AGMO: variants seen among roughly 807,000 people sequenced by gnomAD.
AGMO encodes the protein alkylglycerol monooxygenase, also known as glyceryl-ether monooxygenase.
Under a neutral mutation model 60.2 loss-of-function variants are expected in AGMO, and 75 were observed. That is an observed-to-expected ratio of 1.25 (90% CI 1.03 to 1.51). The LOEUF is 1.51. Ranked by LOEUF, AGMO falls within the 40% of genes most tolerant of loss-of-function variation. AGMO has a pLI of 0.00. For missense variants in AGMO, 763 were observed against 525.5 expected, an observed-to-expected ratio of 1.45 and a Z score of -4.42; for synonymous variants, 261 against 177.1, an observed-to-expected ratio of 1.47 and a Z score of -3.76.
In AGMO at chr7:15,272,375, C is replaced by T. The variant is rs187336227; in HGVS notation, c.1264-71016G>A. 5.6e-3 allele frequency among the ~76,000 whole-genome samples: 826 copies of T among 148,470 alleles called. 3 individuals carry two copies. The highest frequency in any genetic ancestry group is 0.019 in the African/African-American group (753 of 40,316). ...ATTCCCACCTATGAGTGAGAACATG[C>T]GGTGTTTGGTTTTTTGTTCTTGGGA... On this transcript the variant is annotated intron_variant, in intron 12 of 12. Coordinates refer to ENST00000342526, the MANE Select transcript of AGMO (RefSeq NM_001004320.2).
chr7:15,259,268 A>G (rs1055369594), intron 12 of AGMO, among the ~76,000 whole-genome samples: 2 of 151,968 alleles, frequency 1.3e-5, no homozygotes, highest in African/African-American at 4.8e-5. Context: ...AATGCACTGG[A>G]AAGTCTCAGC....
intron 10 of AGMO, 70 bp from the exon 11 acceptor site, chr7:15,366,292 CT>C: frequency 8.3e-7 from 1 of 1,207,972 alleles, no homozygotes; most frequent in Non-Finnish European, 1.2e-6. Context: ...ACGGTTAAAG[CT>C]TACAAAACAG....
At chr7:15,355,178 A>G (rs1562452808) in intron 12 of AGMO, among the ~76,000 whole-genome samples, 1 of 152,086 alleles carries the variant, frequency 6.6e-6, no homozygotes, top group Non-Finnish European at 1.5e-5. Context: ...TCATCTGTGC[A>G]CTTAAAATTA....
Position 15,488,716 on chromosome 7 carries a change from A to T in AGMO, c.409+56056T>A, listed in dbSNP as rs534881402. Among the ~76,000 whole-genome samples, 6 of 152,294 alleles carry T rather than the reference A, an allele frequency of 3.9e-5. No individual in the cohort carries two copies. The East Asian group carries it at 1.2e-3, about 29-fold the overall frequency. ...AGATTATTGAATTTGGATTATCACA[A>T]ACTATTCCTAAGATAACTAGCCAGG... On this transcript the variant is annotated intron_variant, in intron 3 of 12. Coordinates refer to ENST00000342526, the MANE Select transcript of AGMO (RefSeq NM_001004320.2).
At chr7:15,226,330 G>C (rs1782080526) in intron 12 of AGMO, among the ~76,000 whole-genome samples, 1 of 152,038 alleles carries the variant, frequency 6.6e-6, no homozygotes, top group African/African-American at 2.4e-5. Context: ...TGAATTACAA[G>C]GACTCTGATG....
intron 3 of AGMO, among the ~76,000 whole-genome samples, chr7:15,504,925 A>T (rs1297202949): frequency 2.0e-5 from 3 of 151,994 alleles, no homozygotes; most frequent in Non-Finnish European, 4.4e-5. Flanking sequence ...CTTTCAAAAA[A>T]TTATTAGTTA....
In AGMO at chr7:15,421,136, A is replaced by T. The variant is rs987570333; in HGVS notation, c.514-2483T>A. Among the ~76,000 whole-genome samples, 2 of 152,282 alleles carry T rather than the reference A, an allele frequency of 1.3e-5. 1 individual carries two copies. The highest frequency in any genetic ancestry group is 6.8e-3 in the Middle Eastern group (2 of 294). On this transcript the variant is annotated intron_variant, in intron 4 of 12. Transcript: ENST00000342526. The stretch of plus-strand genomic sequence containing the variant: ...AGCTAAACATATTTGCTATTGTAGA[A>T]GGCGTTGGAGAGTAGTGTGGCTAGA...
At chr7:15,466,543 AGGGTTTTATAAAT>A (rs1489819388) in intron 3 of AGMO, among the ~76,000 whole-genome samples, 16 of 152,154 alleles carry the variant, frequency 1.1e-4, no homozygotes, top group Non-Finnish European at 2.4e-4. Flanking sequence ...GAACTTGCCT[AGGGTTTTATAAAT>A]GGACATGCAG....
At chr7:15,487,949 C>CA (rs1007066478) in intron 3 of AGMO, among the ~76,000 whole-genome samples, 78 of 151,206 alleles carry the variant, frequency 5.2e-4, no homozygotes, top group East Asian at 2.7e-3. Context: ...TCAAAAATTT[C>CA]AAAAAAAAAT....
At chr7:15,352,781 T>C (rs1383837625) in intron 12 of AGMO, among the ~76,000 whole-genome samples, 1 of 152,060 alleles carries the variant, frequency 6.6e-6, no homozygotes, top group East Asian at 1.9e-4. Context: ...CATTATCTAG[T>C]ATCTGAAATC....
the AGMO span, among the ~76,000 whole-genome samples, chr7:15,146,566 A>C: frequency 1.2e-4 from 18 of 152,100 alleles, no homozygotes; most frequent in Non-Finnish European, 2.9e-5. Flanking sequence ...AAAATGAAGT[A>C]ATTATGTATG....
chr7:15,300,030 G>A (rs567676982), intron 12 of AGMO, among the ~76,000 whole-genome samples: 1 of 152,232 alleles, frequency 6.6e-6, no homozygotes, highest in East Asian at 1.9e-4. Context: ...TGGAATTTGA[G>A]AAGAGAAAAA....
intron 3 of AGMO, among the ~76,000 whole-genome samples, chr7:15,522,617 T>A (rs1203194432): frequency 1.3e-5 from 2 of 152,132 alleles, no homozygotes; most frequent in Non-Finnish European, 2.9e-5. Flanking sequence ...ATTTAATAAC[T>A]GGTGTTGGAA....
intron 5 of AGMO, among the ~76,000 whole-genome samples, chr7:15,405,265 G>A (rs923715416): frequency 2.6e-5 from 4 of 151,782 alleles, no homozygotes; most frequent in South Asian, 2.1e-4. Flanking sequence ...CAATCAGTGC[G>A]TTCATTCATT....
chr7:15,407,273 C>T (rs552891311), intron 5 of AGMO, among the ~76,000 whole-genome samples: 1,489 of 117,698 alleles, frequency 0.013, 15 homozygotes, highest in Middle Eastern at 0.071. Context: ...ATGTATACTC[C>T]ATTATATTTA....
At chr7:15,537,627 T>C (rs977755106) in intron 3 of AGMO, among the ~76,000 whole-genome samples, 1 of 152,150 alleles carries the variant, frequency 6.6e-6, no homozygotes, top group African/African-American at 2.4e-5. Context: ...AAAAATAGAC[T>C]GATGGAGATT....
intron 6 of AGMO, among the ~76,000 whole-genome samples, chr7:15,392,217 C>A (rs1345857740): frequency 6.6e-6 from 1 of 151,800 alleles, no homozygotes; most frequent in East Asian, 2.0e-4. Context: ...CCGCAGGTGC[C>A]GGCCACTATA....
chr7:15,369,622 G>C (rs924831804), intron 10 of AGMO, among the ~76,000 whole-genome samples: 1 of 151,876 alleles, frequency 6.6e-6, no homozygotes, highest in Non-Finnish European at 1.5e-5. Context: ...ATAACTCTCT[G>C]TAACCATTTT....
chr7:15,317,242 T>C (rs1780953337), intron 12 of AGMO, among the ~76,000 whole-genome samples: 1 of 152,182 alleles, frequency 6.6e-6, no homozygotes, highest in East Asian at 1.9e-4. Context: ...TTTAAGATTA[T>C]TTTTATGGTA....
Sources: allele counts gnomAD v4.1 joint callset (sites outside exome capture counted in the v4.1 genomes callset), GRCh38; gene constraint gnomAD v4.1.1; transcripts MANE v1.5; gene names NCBI Gene and HGNC (gene_info 2026-07-23, HGNC 2026-07-21).